Variants in DNAH7 observed in about 807,000 individuals in gnomAD.
The protein encoded by DNAH7 is dynein axonemal heavy chain 7.
A neutral mutation model predicts 444.6 loss-of-function variants in DNAH7; 397 were observed. The observed-to-expected ratio is 0.89, with a 90% CI of 0.82 to 0.97. The LOEUF is 0.97. Among genes scored for constraint, DNAH7 ranks in the 50% least tolerant of loss-of-function variants. The probability of loss-of-function intolerance (pLI) is 0.00; values close to 1 mark genes in which losing one functional copy is unlikely to be tolerated. For synonymous variants in DNAH7, 1,636 were observed against 1,624.4 expected (o/e 1.01, Z -0.17); for missense variants, 4,902 against 4,800.8 (o/e 1.02, Z -0.62).
chr2:195,784,920 T>C (rs72913291), intron 58 of DNAH7, among the ~76,000 whole-genome samples: 18,257 of 151,016 alleles, frequency 0.12, 1,483 homozygotes, highest in Middle Eastern at 0.25. Flanking sequence ...CCCTTTTTTT[T>C]TTTTTTTTGA....
At chr2:196,017,411 C>T (rs1178436238) in intron 9 of DNAH7, among the ~76,000 whole-genome samples, 6 of 152,064 alleles carry the variant, frequency 3.9e-5, no homozygotes. Flanking sequence ...TTTCTCTTTC[C>T]ATCTTTCTTT....
intron 5 of DNAH7, among the ~76,000 whole-genome samples, chr2:196,029,916 G>A (rs1264245703): frequency 1.3e-5 from 2 of 152,026 alleles, no homozygotes; most frequent in Non-Finnish European, 2.9e-5. Flanking sequence ...ATGGTGGCAT[G>A]AGCATCCCTT....
Position 195,857,520 on chromosome 2 carries a change from C to T in DNAH7, c.8271G>A (p.Lys2757=). The change falls in exon 44 of 65, where the codon AAG becomes AAA. Residue 2757 remains lysine (K), a synonymous_variant. Transcript: ENST00000312428. ...TCATATAAGCTGGAGGAATATTGTC[C>T]TTGTCATATTCATGAAGTGACTGCA... is the stretch of plus-strand genomic sequence containing the variant. ...RFLQSLHEYD[K]DNIPPAYMNI... 3 of 1,613,606 alleles carry T rather than the reference C, an allele frequency of 1.9e-6. No homozygotes were observed. In the South Asian group the frequency reaches 3.3e-5, roughly 18 times the overall value.
At chr2:195,790,597 T>C (rs544719878) in intron 57 of DNAH7, among the ~76,000 whole-genome samples, 1 of 152,100 alleles carries the variant, frequency 6.6e-6, no homozygotes, top group South Asian at 2.1e-4. Context: ...GAGAAAAGAC[T>C]CCCTATTCAA....
chr2:196,009,760 A>C (rs1279439130), intron 10 of DNAH7, among the ~76,000 whole-genome samples: 2 of 152,244 alleles, frequency 1.3e-5, no homozygotes, highest in African/African-American at 4.8e-5. Context: ...CAAACTATTC[A>C]TTGTACAAAG....
intron 51 of DNAH7, among the ~76,000 whole-genome samples, chr2:195,813,992 A>C (rs1697106650): frequency 6.6e-6 from 1 of 152,208 alleles, no homozygotes; most frequent in African/African-American, 2.4e-5. Flanking sequence ...GAAGTTCTAA[A>C]ACTGGCAAAA....
intron 63 of DNAH7, among the ~76,000 whole-genome samples, chr2:195,751,845 T>C (rs1693817189): frequency 6.6e-6 from 1 of 152,240 alleles, no homozygotes; most frequent in African/African-American, 2.4e-5. Context: ...GGGTTTTCAA[T>C]GGAGACCAAA....
In DNAH7 at chr2:195,995,341, G is replaced by A. The variant is rs1024678950; in HGVS notation, c.1353+5363C>T. The A allele has an allele frequency of 5.8e-6, 3 of 518,552 alleles. No homozygotes were observed. In the African/African-American group the frequency reaches 5.8e-5, roughly 10 times the overall value. 32.1% of individuals were successfully genotyped at this position (518,552 alleles called of 1,614,324 possible). A position where few individuals can be genotyped will look rare whatever the true frequency, so the allele number is the denominator to read the frequency against. On this transcript the variant is annotated intron_variant, in intron 12 of 64. Transcript: ENST00000312428. Reference sequence around the variant, plus strand: ...TTGTTCAAATCCAAGACCCCATGGAGAGACTGGCTCAGGAGCTGAATGAAC... The same window carrying A: ...TTGTTCAAATCCAAGACCCCATGGAAAGACTGGCTCAGGAGCTGAATGAAC...
intron 5 of DNAH7, among the ~76,000 whole-genome samples, chr2:196,034,915 T>C (rs532617895): frequency 2.0e-5 from 3 of 152,342 alleles, no homozygotes; most frequent in Admixed American, 1.3e-4. Context: ...GCACAGTGGC[T>C]CATGCCTGTA....
chr2:195,804,658 T>C (rs949510179), intron 54 of DNAH7, among the ~76,000 whole-genome samples: 6 of 152,272 alleles, frequency 3.9e-5, no homozygotes, highest in Non-Finnish European at 7.4e-5. Flanking sequence ...GTGATTCCAC[T>C]ATTTTGATGG....
At chr2:196,040,859 G>T (rs1333715021) in intron 5 of DNAH7, among the ~76,000 whole-genome samples, 2 of 152,030 alleles carry the variant, frequency 1.3e-5, no homozygotes, top group East Asian at 3.8e-4. Context: ...ACTGATAAAT[G>T]ATTTCAGCAA....
At chr2:195,908,656 C>G (rs1206431731) in intron 25 of DNAH7, among the ~76,000 whole-genome samples, 1 of 152,044 alleles carries the variant, frequency 6.6e-6, no homozygotes, top group Non-Finnish European at 1.5e-5. Context: ...AGATATACCC[C>G]ATTTTCTTTA....
chr2:196,003,708 A>G (rs1233172401), intron 10 of DNAH7, among the ~76,000 whole-genome samples: 1 of 152,286 alleles, frequency 6.6e-6, no homozygotes, highest in East Asian at 1.9e-4. Flanking sequence ...GACCTGCATC[A>G]AGCATTCTAA....
chr2:196,047,512 C>CA lies in DNAH7; in HGVS notation c.251-14dup, dbSNP rs377604116. ...TCCATGTATTCAGCTTAAATTAAAA[C>CA]AAAAAAAAAAGCACAATTATTCATC... On this transcript the variant is annotated splice_polypyrimidine_tract_variant and intron_variant, in intron 4 of 64. Transcript: ENST00000312428. 3.1e-3 allele frequency: 4,060 copies of CA among 1,300,570 alleles called. No individual in the cohort carries two copies. Among genetic ancestry groups the CA allele is most frequent in the South Asian group, 8.3e-3 (485 of 58,372 alleles). The allele number at this position is 1,300,570 out of a possible 1,614,324, so 80.6% of individuals were successfully genotyped here.
intron 22 of DNAH7, among the ~76,000 whole-genome samples, chr2:195,925,491 C>T (rs949214095): frequency 6.6e-6 from 1 of 152,206 alleles, no homozygotes. Flanking sequence ...TAGGGATACT[C>T]TTATGCCCCA....
Position 195,933,953 on chromosome 2 carries a change from T to A in DNAH7, c.3471+638A>T, listed in dbSNP as rs1454311987. 6.6e-5 allele frequency among the ~76,000 whole-genome samples: 10 copies of A among 152,098 alleles called. No individual in the cohort carries two copies. In the East Asian group the frequency reaches 1.7e-3, roughly 26 times the overall value. On this transcript the variant is annotated intron_variant, in intron 21 of 64. Coordinates refer to ENST00000312428, the MANE Select transcript of DNAH7 (RefSeq NM_018897.3). ...AATTAATTAGTTATACTCCCTTCTG[T>A]TCCTTTGCTCCATCATGATTTTTAT...
rs1259499745 is a variant in DNAH7, at chr2:195,754,584, G to T, written c.11587-70C>A. The T allele has an allele frequency of 2.0e-5, 29 of 1,472,854 alleles. No homozygotes were observed. In the East Asian group the frequency reaches 6.4e-4, roughly 33 times the overall value. 91.2% of individuals were successfully genotyped at this position (1,472,854 alleles called of 1,614,324 possible). ...CTTTTTTTCTTTTTTTTTGAGACAG[G>T]ATCTCTGGTTGCCCAGGCAGGGCTC... On this transcript the variant is annotated intron_variant, in intron 62 of 64. Coordinates refer to ENST00000312428, the MANE Select transcript of DNAH7 (RefSeq NM_018897.3).
At chr2:195,783,225 T>TA (rs1239225878) in intron 58 of DNAH7, among the ~76,000 whole-genome samples, 1 of 152,230 alleles carries the variant, frequency 6.6e-6, no homozygotes, top group African/African-American at 2.4e-5. Flanking sequence ...CCATGTTCCC[T>TA]AATCTTGCTC....
chr2:195,923,839 C>T (rs1488659990), intron 22 of DNAH7, 32 bp from the exon 23 acceptor site: 3 of 1,582,700 alleles, frequency 1.9e-6, no homozygotes, highest in East Asian at 2.3e-5. Context: ...TATGATTTCC[C>T]AATGTGATCA....
Sources: allele counts gnomAD v4.1 joint callset (sites outside exome capture counted in the v4.1 genomes callset), GRCh38; gene constraint gnomAD v4.1.1; transcripts MANE v1.5; gene names NCBI Gene and HGNC (gene_info 2026-07-23, HGNC 2026-07-21).